CDK14: variants seen among roughly 807,000 people sequenced by gnomAD.
CDK14 encodes cyclin dependent kinase 14.
A neutral mutation model predicts 60.7 loss-of-function variants in CDK14; 34 were observed. That is an observed-to-expected ratio of 0.56 (90% CI 0.43 to 0.75). The LOEUF is 0.75. Ranked by LOEUF, CDK14 falls within the 30% of genes least tolerant of loss-of-function variation. The pLI, the probability that CDK14 is intolerant of heterozygous loss-of-function variation, is 0.00. For synonymous variants in CDK14, 197 were observed against 203.7 expected, an observed-to-expected ratio of 0.97 and a Z score of 0.28; for missense variants, 482 against 564.1, an observed-to-expected ratio of 0.85 and a Z score of 1.47.
chr7:91,095,486 CCCAAGGAAAT>C (rs1562902392), intron 12 of CDK14, among the ~76,000 whole-genome samples: 4 of 152,126 alleles, frequency 2.6e-5, no homozygotes, highest in Admixed American at 6.6e-5. Flanking sequence ...TAGTATTTCT[CCCAAGGAAAT>C]AGATCAACCA....
intron 5 of CDK14, among the ~76,000 whole-genome samples, chr7:90,817,264 A>G (rs865869508): frequency 6.6e-6 from 1 of 152,190 alleles, no homozygotes; most frequent in African/African-American, 2.4e-5. Flanking sequence ...TGGGTCATTT[A>G]TATATTTTGG....
chr7:91,017,279 A>G (rs1381855683), intron 10 of CDK14, among the ~76,000 whole-genome samples: 2 of 152,202 alleles, frequency 1.3e-5, no homozygotes, highest in African/African-American at 2.4e-5. Context: ...ACATTAGAGG[A>G]AGGAAGAGAA....
chr7:90,619,441 T>C (rs1466114327), intron 2 of CDK14, among the ~76,000 whole-genome samples: 2 of 152,230 alleles, frequency 1.3e-5, no homozygotes, highest in Non-Finnish European at 2.9e-5. Context: ...TTACAGTTTT[T>C]TTGTCTCTTG....
intron 11 of CDK14, among the ~76,000 whole-genome samples, chr7:91,051,047 A>T (rs1308539506): frequency 6.6e-6 from 1 of 152,234 alleles, no homozygotes; most frequent in Non-Finnish European, 1.5e-5. Flanking sequence ...GACTATTTTA[A>T]AAAGCAGAAA....
intron 2 of CDK14, among the ~76,000 whole-genome samples, chr7:90,637,722 G>A (rs1445193464): frequency 1.4e-5 from 2 of 140,276 alleles, no homozygotes; most frequent in South Asian, 2.4e-4. Flanking sequence ...TCTGTCTAAT[G>A]TTGACAGTGG....
At chr7:90,875,198 T>A (rs763951870) in intron 6 of CDK14, among the ~76,000 whole-genome samples, 10 of 152,244 alleles carry the variant, frequency 6.6e-5, no homozygotes, top group Admixed American at 1.3e-4. Flanking sequence ...ACTTCATACT[T>A]CCTTAAGACT....
intron 10 of CDK14, among the ~76,000 whole-genome samples, chr7:90,987,679 G>C (rs1023329425): frequency 6.6e-6 from 1 of 151,878 alleles, no homozygotes; most frequent in African/African-American, 2.4e-5. Context: ...GTGATCCTTG[G>C]AGGAGGAAAT....
intron 14 of CDK14, among the ~76,000 whole-genome samples, chr7:91,188,164 A>G (rs1341496500): frequency 6.6e-6 from 1 of 152,094 alleles, no homozygotes; most frequent in Non-Finnish European, 1.5e-5. Flanking sequence ...CTTCTTCTGC[A>G]TGGTTACTGT....
intron 2 of CDK14, among the ~76,000 whole-genome samples, chr7:90,663,643 T>C (rs1266781652): frequency 6.6e-6 from 1 of 152,220 alleles, no homozygotes; most frequent in Non-Finnish European, 1.5e-5. Flanking sequence ...TCAAAATTCA[T>C]TGCAACCTTC....
At chr7:90,938,678 G>T (rs1012117540) in intron 8 of CDK14, among the ~76,000 whole-genome samples, 2 of 152,112 alleles carry the variant, frequency 1.3e-5, no homozygotes, top group African/African-American at 4.8e-5. Context: ...CTGTTAAATG[G>T]CTTACCTTTT....
At chr7:91,104,904 G>A (rs1799242005) in intron 12 of CDK14, among the ~76,000 whole-genome samples, 1 of 152,098 alleles carries the variant, frequency 6.6e-6, no homozygotes. Flanking sequence ...ATAAGTGTAG[G>A]TGATTATTTT....
chr7:91,181,453 A>G (rs1801998433), intron 14 of CDK14, among the ~76,000 whole-genome samples: 2 of 152,056 alleles, frequency 1.3e-5, no homozygotes, highest in Non-Finnish European at 2.9e-5. Flanking sequence ...GGTGATGTAT[A>G]TTTCTGTAGC....
chr7:91,006,186 T>C (rs1344110811), intron 10 of CDK14, among the ~76,000 whole-genome samples: 1 of 152,256 alleles, frequency 6.6e-6, no homozygotes, highest in Non-Finnish European at 1.5e-5. Context: ...CTTATTTTAA[T>C]TTGGAAAAGA....
At chr7:91,162,099 T>C (rs1233402262) in intron 14 of CDK14, among the ~76,000 whole-genome samples, 1 of 152,188 alleles carries the variant, frequency 6.6e-6, no homozygotes, top group African/African-American at 2.4e-5. Context: ...CACATAAAAG[T>C]GTACAGTCAC....
intron 14 of CDK14, among the ~76,000 whole-genome samples, chr7:91,128,784 T>C (rs1034334527): frequency 6.6e-5 from 10 of 152,094 alleles, no homozygotes; most frequent in Admixed American, 5.9e-4. Context: ...TCTCATTGCC[T>C]ACCCTTTTCT....
At chr7:90,829,655 C>T (rs1009479533) in intron 5 of CDK14, among the ~76,000 whole-genome samples, 12 of 152,118 alleles carry the variant, frequency 7.9e-5, no homozygotes, top group African/African-American at 2.7e-4. Flanking sequence ...GACTCAGCCT[C>T]CCAAGTAGCT....
intron 4 of CDK14, 130 bp from the exon 5 acceptor site, chr7:90,790,443 G>T (rs1805784379): frequency 1.9e-6 from 1 of 538,276 alleles, no homozygotes; most frequent in Non-Finnish European, 3.3e-6. Flanking sequence ...TTGCTTTGGT[G>T]GTATAATTGA....
At chr7:90,652,963 C>G (rs1004730168) in intron 2 of CDK14, among the ~76,000 whole-genome samples, 3 of 152,074 alleles carry the variant, frequency 2.0e-5, no homozygotes, top group Admixed American at 6.6e-5. Flanking sequence ...ATTTGCTCCC[C>G]TGAATTTCTT....
intron 7 of CDK14, among the ~76,000 whole-genome samples, chr7:90,902,316 A>G (rs1354633656): frequency 6.6e-6 from 1 of 152,144 alleles, no homozygotes; most frequent in African/African-American, 2.4e-5. Flanking sequence ...ACAAAGCTGG[A>G]TACTTCATAC....
Sources: allele counts gnomAD v4.1 joint callset (sites outside exome capture counted in the v4.1 genomes callset), GRCh38; gene constraint gnomAD v4.1.1; transcripts MANE v1.5; gene names NCBI Gene and HGNC (gene_info 2026-07-23, HGNC 2026-07-21).